Variants in CSTPP1 observed in about 807,000 individuals in gnomAD.
The protein encoded by CSTPP1 is UPF0705 protein C11orf49.
At chr11:47,108,675 A>T in the CSTPP1 span, among the ~76,000 whole-genome samples, 3 of 151,082 alleles carry the variant, frequency 2.0e-5, no homozygotes, top group Non-Finnish European at 4.4e-5. Context: ...TCAGAAACCC[A>T]CAAGGGTGGG....
chr11:46,964,858 T>A, the CSTPP1 span, among the ~76,000 whole-genome samples: 1 of 151,218 alleles, frequency 6.6e-6, no homozygotes, highest in Non-Finnish European at 1.5e-5. Flanking sequence ...GCTGAGGACA[T>A]GGGAGATCAG....
the CSTPP1 span, among the ~76,000 whole-genome samples, chr11:47,038,479 A>T: frequency 3.9e-4 from 39 of 99,494 alleles, no homozygotes; most frequent in Non-Finnish European, 7.7e-4. Context: ...TCCCTCCCGG[A>T]CGGGGCGGCC....
chr11:47,057,926 G>A, the CSTPP1 span, among the ~76,000 whole-genome samples: 1 of 152,134 alleles, frequency 6.6e-6, no homozygotes, highest in African/African-American at 2.4e-5. Flanking sequence ...GGATTAAATC[G>A]ATCCGCAAGT....
chr11:46,970,986 T>C, the CSTPP1 span, among the ~76,000 whole-genome samples: 1 of 152,112 alleles, frequency 6.6e-6, no homozygotes, highest in Non-Finnish European at 1.5e-5. Context: ...AAGTATTAAG[T>C]GAAAAAATGA....
At chr11:47,132,922 A>G in the CSTPP1 span, among the ~76,000 whole-genome samples, 73 of 152,304 alleles carry the variant, frequency 4.8e-4, no homozygotes, top group African/African-American at 1.7e-3. Context: ...ACTGAGCCCT[A>G]GTTTCTTTAT....
At chr11:46,972,454 T>A in the CSTPP1 span, among the ~76,000 whole-genome samples, 7 of 152,188 alleles carry the variant, frequency 4.6e-5, no homozygotes, top group Non-Finnish European at 8.8e-5. Context: ...GGATCAATTC[T>A]CTGTTTAAGA....
the CSTPP1 span, chr11:47,154,899 G>T: frequency 7.8e-6 from 4 of 515,760 alleles, no homozygotes; most frequent in African/African-American, 5.7e-5. Flanking sequence ...GCTAGCTGGT[G>T]CCACTGAGAC....
At chr11:46,936,711 C>G in the CSTPP1 span, 1 of 1,557,636 alleles carries the variant, frequency 6.4e-7, no homozygotes, top group East Asian at 2.4e-5. Context: ...TCCCGTCCCC[C>G]TTCCGCCGCG....
At chr11:47,066,105 T>TG in the CSTPP1 span, among the ~76,000 whole-genome samples, 1 of 141,528 alleles carries the variant, frequency 7.1e-6, no homozygotes, top group Non-Finnish European at 1.5e-5. Context: ...TTTTTTTTTT[T>TG]TTTTTTTTTT....
chr11:46,985,468 A>G, the CSTPP1 span, among the ~76,000 whole-genome samples: 1 of 152,224 alleles, frequency 6.6e-6, no homozygotes, highest in African/African-American at 2.4e-5. Flanking sequence ...AAGGATATTC[A>G]TCACTTTGGG....
chr11:47,100,789 C>CA, the CSTPP1 span, among the ~76,000 whole-genome samples: 1 of 152,008 alleles, frequency 6.6e-6, no homozygotes, highest in African/African-American at 2.4e-5. Context: ...GACCCTGTCT[C>CA]AAAAAACAAA....
At chr11:47,084,794 A>G in the CSTPP1 span, among the ~76,000 whole-genome samples, 3 of 152,054 alleles carry the variant, frequency 2.0e-5, no homozygotes, top group Admixed American at 2.0e-4. Context: ...CTTTTTCAAG[A>G]TTGTTTTATT....
chr11:46,974,891 C>G, the CSTPP1 span, among the ~76,000 whole-genome samples: 7 of 99,472 alleles, frequency 7.0e-5, no homozygotes, highest in African/African-American at 2.2e-4. Flanking sequence ...CACACACACA[C>G]ACACACACAC....
the CSTPP1 span, among the ~76,000 whole-genome samples, chr11:47,116,675 G>GTTTTTTT: frequency 1.2e-4 from 10 of 83,930 alleles, 1 homozygote; most frequent in Non-Finnish European, 1.3e-4. Context: ...TGCTTGGTAG[G>GTTTTTTT]TTTTTTTTTT....
At chr11:46,982,482 T>G in the CSTPP1 span, among the ~76,000 whole-genome samples, 1 of 152,108 alleles carries the variant, frequency 6.6e-6, no homozygotes, top group Non-Finnish European at 1.5e-5. Flanking sequence ...TAACTAATGT[T>G]AAGGTGGAAA....
At chr11:46,998,918 T>C in the CSTPP1 span, among the ~76,000 whole-genome samples, 1 of 151,998 alleles carries the variant, frequency 6.6e-6, no homozygotes, top group Non-Finnish European at 1.5e-5. Context: ...TTTTTTGTAT[T>C]TTTAGTAGAG....
At chr11:47,024,252 C>T in the CSTPP1 span, among the ~76,000 whole-genome samples, 5 of 151,828 alleles carry the variant, frequency 3.3e-5, no homozygotes, top group African/African-American at 9.7e-5. Flanking sequence ...TTCATAGAGA[C>T]GGGACCTCAC....
the CSTPP1 span, among the ~76,000 whole-genome samples, chr11:47,071,609 T>C: frequency 1.2e-4 from 18 of 152,346 alleles, no homozygotes; most frequent in Middle Eastern, 3.4e-3. Flanking sequence ...TGATAAATAC[T>C]GGGTGAATAA....
the CSTPP1 span, among the ~76,000 whole-genome samples, chr11:47,116,163 G>C: frequency 6.6e-6 from 1 of 152,168 alleles, no homozygotes; most frequent in African/African-American, 2.4e-5. Flanking sequence ...TAATTTGATG[G>C]CATTGTGGTC....
Sources: allele counts gnomAD v4.1 joint callset (sites outside exome capture counted in the v4.1 genomes callset), GRCh38; gene constraint gnomAD v4.1.1; transcripts MANE v1.5; gene names NCBI Gene and HGNC (gene_info 2026-07-23, HGNC 2026-07-21).